The following IQSEC1 variants were observed in gnomAD, a reference collection of about 807,000 sequenced individuals.
IQSEC1 encodes IQ motif and SEC7 domain-containing protein 1.
IQSEC1 carries 31 observed loss-of-function variants against 91.0 expected under a neutral mutation model. The observed-to-expected ratio is 0.34, with a 90% CI of 0.26 to 0.46. IQSEC1 has a LOEUF of 0.46. Ranked by LOEUF, IQSEC1 falls within the 20% of genes least tolerant of loss-of-function variation. IQSEC1 has a pLI of 1.00. For synonymous variants in IQSEC1, 699 were observed against 662.6 expected (o/e 1.05, Z -0.84); for missense variants, 1,388 against 1,575.6 (o/e 0.88, Z 2.02).
intron 1 of IQSEC1, among the ~76,000 whole-genome samples, chr3:13,215,512 C>A (rs1178235807): frequency 1.3e-5 from 2 of 152,188 alleles, no homozygotes; most frequent in Non-Finnish European, 2.9e-5. Context: ...AACAGCTTCA[C>A]AATTGCAATT....
intron 2 of IQSEC1, among the ~76,000 whole-genome samples, chr3:13,096,899 T>C (rs185773055): frequency 0.011 from 1,657 of 151,188 alleles, 16 homozygotes; most frequent in Non-Finnish European, 0.019. Context: ...CTCGCTCTGT[T>C]GCCCAGGCTG....
chr3:13,060,902 A>G (rs1033615177), intron 1 of IQSEC1, among the ~76,000 whole-genome samples: 2 of 152,158 alleles, frequency 1.3e-5, no homozygotes, highest in Non-Finnish European at 2.9e-5. Context: ...ACCTCAGCCC[A>G]GGGGGGAGCC....
intron 2 of IQSEC1, among the ~76,000 whole-genome samples, chr3:13,122,968 C>T (rs547167206): frequency 3.9e-5 from 6 of 152,268 alleles, no homozygotes; most frequent in South Asian, 2.1e-4. Flanking sequence ...GAGTGTCTTT[C>T]TGCGCCCTCC....
chr3:13,045,648 G>A (rs1704466790), intron 1 of IQSEC1, among the ~76,000 whole-genome samples: 1 of 152,232 alleles, frequency 6.6e-6, no homozygotes, highest in African/African-American at 2.4e-5. Context: ...CACACTCCCT[G>A]CATACCAGAA....
chr3:13,133,289 G>A (rs935145523), intron 2 of IQSEC1, among the ~76,000 whole-genome samples: 5 of 152,236 alleles, frequency 3.3e-5, no homozygotes, highest in African/African-American at 1.2e-4. Flanking sequence ...GTGCAAGCAG[G>A]TGCTGGATGA....
chr3:13,067,512 G>A (rs1430354408), intron 1 of IQSEC1, among the ~76,000 whole-genome samples: 1 of 152,232 alleles, frequency 6.6e-6, no homozygotes, highest in Non-Finnish European at 1.5e-5. Flanking sequence ...ACACATTCCA[G>A]GTAGTGCATG....
rs182267779 is a variant in IQSEC1 at position 13,151,097 on chromosome 3, C to T, written c.302+13007G>A. On this transcript the variant is annotated intron_variant, in intron 2 of 15. Coordinates refer to the IQSEC1 transcript ENST00000648114. ...GAAGGGTCTCTGTGAGGAAATATCT[C>T]AGAAGTCGACACAAATCACTTCCCT... Among the ~76,000 whole-genome samples the T allele has an allele frequency of 1.1e-4, 17 of 152,324 alleles. No individual in the cohort carries two copies. In the East Asian group the frequency reaches 3.3e-3, roughly 29 times the overall value.
rs1702024780 is a variant in IQSEC1 at position 12,992,283 on chromosome 3, C to T, written c.24-50418G>A. Among the ~76,000 whole-genome samples, 1 of 145,264 alleles carries T rather than the reference C, an allele frequency of 6.9e-6. No individual in the cohort carries two copies. Among genetic ancestry groups the T allele is most frequent in the South Asian group, 2.1e-4 (1 of 4,722 alleles). ...TCCCTCCGGCACTGATGCTTAATGG[C>T]TGGGCTGTGGGCATTGTGGCCACCC... On this transcript the variant is annotated intron_variant, in intron 1 of 13. Coordinates refer to ENST00000613206, the MANE Select transcript of IQSEC1 (RefSeq NM_001134382.3). The surrounding 1 kb of genome is among the most constrained non-coding windows in gnomAD (Gnocchi z 4.1).
chr3:13,274,995 G>A (rs1404375654), intron 1 of IQSEC1, among the ~76,000 whole-genome samples: 1 of 152,228 alleles, frequency 6.6e-6, no homozygotes, highest in East Asian at 1.9e-4. Flanking sequence ...AGCCCAGCGT[G>A]GTGGTGAACT....
At chr3:13,245,249 C>T (rs564043403) in intron 1 of IQSEC1, among the ~76,000 whole-genome samples, 21 of 152,274 alleles carry the variant, frequency 1.4e-4, no homozygotes, top group African/African-American at 4.6e-4. Context: ...CTCTCCTCCA[C>T]GTGGTGTCTC....
At chr3:13,117,289 G>GA (rs34963745) in intron 2 of IQSEC1, among the ~76,000 whole-genome samples, 63,676 of 121,114 alleles carry the variant, frequency 0.53, 16,471 homozygotes, top group African/African-American at 0.7. Context: ...CAGGTCATTA[G>GA]AAAAAAAAAA....
intron 2 of IQSEC1, among the ~76,000 whole-genome samples, chr3:13,090,088 T>G (rs56041573): frequency 0.33 from 50,376 of 151,390 alleles, 8,599 homozygotes; most frequent in Middle Eastern, 0.55. Flanking sequence ...TGTGGTGGCG[T>G]GCACCTGTAG....
At chr3:13,018,296 A>G (rs1019736997) in intron 1 of IQSEC1, among the ~76,000 whole-genome samples, 1 of 152,144 alleles carries the variant, frequency 6.6e-6, no homozygotes, top group Admixed American at 6.5e-5. Context: ...GCTGGCTGCC[A>G]GCTGAGCTGT....
At chr3:13,127,317 G>A (rs757616122) in intron 2 of IQSEC1, among the ~76,000 whole-genome samples, 10 of 152,134 alleles carry the variant, frequency 6.6e-5, no homozygotes, top group Non-Finnish European at 1.2e-4. Flanking sequence ...GGGAGGCTGA[G>A]GCAGGAGAAT....
At chr3:12,953,319 T>C (rs1413386348) in intron 1 of IQSEC1, among the ~76,000 whole-genome samples, 1 of 152,206 alleles carries the variant, frequency 6.6e-6, no homozygotes, top group African/African-American at 2.4e-5. Context: ...AGGCTGATTG[T>C]CCGGTTGCCT....
intron 1 of IQSEC1, among the ~76,000 whole-genome samples, chr3:13,070,618 T>G (rs1482446632): frequency 1.3e-5 from 2 of 152,200 alleles, no homozygotes. Context: ...AGGAAAGGCC[T>G]GCTCTTGGTT....
At chr3:13,095,014 G>A (rs796848859) in intron 2 of IQSEC1, among the ~76,000 whole-genome samples, 115 of 152,068 alleles carry the variant, frequency 7.6e-4, no homozygotes, top group African/African-American at 2.6e-3. Flanking sequence ...CCATTTGTTG[G>A]AGCCACACCT....
chr3:13,248,440 C>T (rs754335432), intron 1 of IQSEC1, among the ~76,000 whole-genome samples: 5 of 152,132 alleles, frequency 3.3e-5, no homozygotes, highest in Middle Eastern at 3.2e-3. Context: ...GGTTTCCAAT[C>T]GGGCTCACCC....
chr3:13,256,650 G>A (rs1283667144), intron 1 of IQSEC1, among the ~76,000 whole-genome samples: 1 of 152,240 alleles, frequency 6.6e-6, no homozygotes, highest in Non-Finnish European at 1.5e-5. Flanking sequence ...CTGAGCAAGC[G>A]CTGGGGATGC....
Sources: gnomAD v4.1 joint callset for allele counts (sites outside exome capture counted in the v4.1 genomes callset) on GRCh38, gnomAD v4.1.1 for gene constraint, Gnocchi (gnomAD v3.1) non-coding constraint, MANE v1.5 for transcripts, NCBI Gene and HGNC (gene_info 2026-07-23, HGNC 2026-07-21) for gene names.